MTM1: variants seen among roughly 807,000 people sequenced by gnomAD.
The protein encoded by MTM1 is myotubularin.
A neutral mutation model predicts 52.1 loss-of-function variants in MTM1; 9 were observed. The ratio of observed to expected loss-of-function variants is 0.17; its 90% CI spans 0.10 to 0.30. The LOEUF is 0.30. Among genes scored for constraint, MTM1 ranks in the 10% least tolerant of loss-of-function variants. MTM1 has a pLI of 1.00. For synonymous variants in MTM1, 136 were observed against 163.8 expected, an observed-to-expected ratio of 0.83 and a Z score of 1.29; for missense variants, 277 against 470.7, an observed-to-expected ratio of 0.59 and a Z score of 3.81.
rs782357678 is a variant in MTM1, at chrX:150,585,778, G to A, written c.-10-6827G>A. 5.4e-5 allele frequency among the ~76,000 whole-genome samples: 6 copies of A among 112,112 alleles called. No individual in the cohort carries two copies. The South Asian group carries it at 1.5e-3, about 27-fold the overall frequency. ...TGTGCAGTATTGCTAGGTAGCCTTTGTACATTAAAAACAGATAACCTGATA... is the reference window on the plus strand; with the variant it reads ...TGTGCAGTATTGCTAGGTAGCCTTTATACATTAAAAACAGATAACCTGATA... On this transcript the variant is annotated intron_variant, in intron 1 of 14. Transcript: ENST00000370396.
At chrX:150,641,939 C>T (rs782568755) in intron 8 of MTM1, among the ~76,000 whole-genome samples, 3 of 111,411 alleles carry the variant, frequency 2.7e-5, no homozygotes, top group African/African-American at 3.3e-5. Flanking sequence ...ACTATCCATA[C>T]GGTATCACTG....
At chrX:150,639,976 G>A (rs1430338900) in intron 7 of MTM1, among the ~76,000 whole-genome samples, 3 of 111,489 alleles carry the variant, frequency 2.7e-5, no homozygotes, top group Non-Finnish European at 5.7e-5. Flanking sequence ...CAGATTTGAC[G>A]CTCTGGAATT....
At chrX:150,648,403 ATTG>A (rs782738358) in intron 9 of MTM1, among the ~76,000 whole-genome samples, 1 of 112,021 alleles carries the variant, frequency 8.9e-6, no homozygotes, top group Admixed American at 9.5e-5. Flanking sequence ...TATTCCTTCC[ATTG>A]TTGTTAATAA....
At chrX:150,603,586 A>G (rs1202059524) in intron 4 of MTM1, among the ~76,000 whole-genome samples, 1 of 112,016 alleles carries the variant, frequency 8.9e-6, no homozygotes, top group Non-Finnish European at 1.9e-5. Flanking sequence ...ACAAACTTTC[A>G]CTTGAAAGAT....
intron 6 of MTM1, among the ~76,000 whole-genome samples, chrX:150,623,968 C>G (rs1005882587): frequency 1.8e-5 from 2 of 111,617 alleles, no homozygotes; most frequent in Non-Finnish European, 3.8e-5. Flanking sequence ...GTCTGGAGGC[C>G]AAGCAAGCTG....
upstream of MTM1, among the ~76,000 whole-genome samples, chrX:150,565,993 T>TACACACACAC (rs782745793): frequency 0.013 from 1,182 of 88,408 alleles, 15 homozygotes; most frequent in Non-Finnish European, 0.02. Context: ...TGAAGATTCC[T>TACACACACAC]ACACACACAC....
At chrX:150,614,500 T>G in intron 4 of MTM1, 89 bp from the exon 5 acceptor site, 4 of 569,773 alleles carry the variant, frequency 7.0e-6, no homozygotes, top group Non-Finnish European at 9.0e-6. Flanking sequence ...GTAAAATCAC[T>G]CTGAAAGCAT....
chrX:150,617,927 C>CT (rs1342988719), intron 5 of MTM1, among the ~76,000 whole-genome samples: 61 of 106,871 alleles, frequency 5.7e-4, no homozygotes, highest in Admixed American at 1.3e-3. Context: ...CTGTAATTGA[C>CT]TTTTTTTTTT....
chrX:150,580,692 A>T (rs2038565998), intron 1 of MTM1, among the ~76,000 whole-genome samples: 2 of 111,712 alleles, frequency 1.8e-5, no homozygotes, highest in Non-Finnish European at 3.8e-5. Flanking sequence ...TGCTCCAAGT[A>T]TGAAGATAAC....
intron 5 of MTM1, among the ~76,000 whole-genome samples, chrX:150,618,284 T>C (rs2039418891): frequency 8.9e-6 from 1 of 112,017 alleles, no homozygotes; most frequent in Non-Finnish European, 1.9e-5. Flanking sequence ...ATGACATGTT[T>C]GACAATGTTG....
rs1445895093 is a variant in MTM1 at position 150,583,486 on chromosome X, T to A, written c.-10-9119T>A. 1.6e-3 allele frequency among the ~76,000 whole-genome samples: 51 copies of A among 31,851 alleles called. 3 individuals carry two copies. The highest frequency in any genetic ancestry group is 5.9e-3 in the African/African-American group (49 of 8,302). The allele number at this position is 31,851 out of a possible 115,157, so 27.7% of individuals were successfully genotyped here. A position where few individuals can be genotyped will look rare whatever the true frequency, so the allele number is the denominator to read the frequency against. On this transcript the variant is annotated intron_variant, in intron 1 of 14. Coordinates refer to ENST00000370396, the MANE Select transcript of MTM1 (RefSeq NM_000252.3). ...TATAAATATATATAAATTATATATA[T>A]TATATATAAATTATAAATATATATA...
chrX:150,572,811 A>C (rs995658795), intron 1 of MTM1, among the ~76,000 whole-genome samples: 6 of 112,601 alleles, frequency 5.3e-5, no homozygotes, highest in African/African-American at 1.9e-4. Context: ...CCTTGCTGGA[A>C]CAGGGCAGGC....
intron 1 of MTM1, among the ~76,000 whole-genome samples, chrX:150,576,901 A>C (rs1314803474): frequency 8.9e-6 from 1 of 112,144 alleles, no homozygotes; most frequent in Non-Finnish European, 1.9e-5. Flanking sequence ...GATATTTTCT[A>C]TTATGATTAT....
intron 1 of MTM1, among the ~76,000 whole-genome samples, chrX:150,583,543 T>A (rs1284995629): frequency 3.5e-5 from 1 of 28,345 alleles, no homozygotes; most frequent in Non-Finnish European, 5.4e-5. Context: ...ATTATATATA[T>A]TATACATAAT....
chrX:150,631,173 C>T (rs2039659747), intron 6 of MTM1, among the ~76,000 whole-genome samples: 1 of 112,440 alleles, frequency 8.9e-6, no homozygotes, highest in Non-Finnish European at 1.9e-5. Context: ...GTGAACCAAT[C>T]TTACCAGTGA....
chrX:150,581,469 A>T (rs1433031656), intron 1 of MTM1, among the ~76,000 whole-genome samples: 2 of 111,841 alleles, frequency 1.8e-5, no homozygotes, highest in Admixed American at 9.5e-5. Flanking sequence ...GACTAAGTGG[A>T]TACAAATAAA....
At chrX:150,579,204 G>A (rs1437135069) in intron 1 of MTM1, among the ~76,000 whole-genome samples, 4 of 110,109 alleles carry the variant, frequency 3.6e-5, no homozygotes, top group East Asian at 2.9e-4. Flanking sequence ...ACAGGCACCC[G>A]CCACCACACC....
intron 10 of MTM1, among the ~76,000 whole-genome samples, chrX:150,651,616 T>C (rs1246060780): frequency 1.8e-5 from 2 of 110,903 alleles, no homozygotes; most frequent in Non-Finnish European, 3.8e-5. Context: ...GGGGTAGTGA[T>C]GGGCCGTCCA....
intron 14 of MTM1, among the ~76,000 whole-genome samples, chrX:150,665,909 T>G (rs1603210274): frequency 8.9e-6 from 1 of 112,293 alleles, no homozygotes. Context: ...CATCATACGG[T>G]ACTCTAGGAA....
Sources: gnomAD v4.1 joint callset for allele counts (sites outside exome capture counted in the v4.1 genomes callset) on GRCh38, gnomAD v4.1.1 for gene constraint, MANE v1.5 for transcripts, NCBI Gene and HGNC (gene_info 2026-07-23, HGNC 2026-07-21) for gene names.